The following FRS2 variants were observed in gnomAD, a reference collection of about 807,000 sequenced individuals.
FRS2 encodes the protein FGFR signalling adaptor.
A neutral mutation model predicts 43.9 loss-of-function variants in FRS2; 8 were observed. The ratio of observed to expected loss-of-function variants is 0.18; its 90% CI spans 0.11 to 0.33. The LOEUF (loss-of-function observed/expected upper bound fraction) is 0.33, where lower values mean the gene tolerates loss of function less well. Among genes scored for constraint, FRS2 ranks in the 10% least tolerant of loss-of-function variants. FRS2 has a pLI of 1.00. For synonymous variants in FRS2, 219 were observed against 220.3 expected, an observed-to-expected ratio of 0.99 and a Z score of 0.05; for missense variants, 534 against 627.6, an observed-to-expected ratio of 0.85 and a Z score of 1.59.
At chr12:69,561,269 C>G (rs1407119347) in intron 3 of FRS2, among the ~76,000 whole-genome samples, 1 of 152,172 alleles carries the variant, frequency 6.6e-6, no homozygotes, top group Admixed American at 6.5e-5. Flanking sequence ...AAGCCAACAC[C>G]TGGCATGCTG....
At chr12:69,513,898 T>G (rs1217137910) in intron 1 of FRS2, among the ~76,000 whole-genome samples, 1 of 152,136 alleles carries the variant, frequency 6.6e-6, no homozygotes, top group Non-Finnish European at 1.5e-5. Flanking sequence ...TCCTTTGAAA[T>G]AAATCTAAAT....
At chr12:69,550,682 A>G (rs1878798069) in intron 3 of FRS2, among the ~76,000 whole-genome samples, 1 of 152,222 alleles carries the variant, frequency 6.6e-6, no homozygotes, top group South Asian at 2.1e-4. Flanking sequence ...ATTGTATGCC[A>G]TTTGTCAATT....
chr12:69,540,335 CA>C (rs372869960), intron 3 of FRS2, among the ~76,000 whole-genome samples: 37 of 142,668 alleles, frequency 2.6e-4, no homozygotes, highest in Admixed American at 2.8e-4. Context: ...CTTGTAGTGC[CA>C]AAAAAAAAAA....
intron 3 of FRS2, among the ~76,000 whole-genome samples, chr12:69,542,942 A>C (rs1856922480): frequency 6.6e-6 from 1 of 152,228 alleles, no homozygotes. Flanking sequence ...ACTCTTAGGC[A>C]GTTAACTTAC....
chr12:69,566,152 C>T (rs1028279909), intron 4 of FRS2, among the ~76,000 whole-genome samples: 1 of 152,012 alleles, frequency 6.6e-6, no homozygotes, highest in Non-Finnish European at 1.5e-5. Flanking sequence ...TTATGTGGCT[C>T]ATGACTGTAT....
intron 3 of FRS2, among the ~76,000 whole-genome samples, chr12:69,548,270 G>A (rs1878590668): frequency 6.6e-6 from 1 of 152,174 alleles, no homozygotes; most frequent in Non-Finnish European, 1.5e-5. Flanking sequence ...ATAAAGAAAT[G>A]TTGGTAACTT....
At position 69,574,266 on chromosome 12, in the gene FRS2, G is replaced by A. The variant is rs773898560; in HGVS notation, c.838G>A (p.Gly280Arg). 3 of 1,614,190 alleles carry A rather than the reference G, an allele frequency of 1.9e-6. No individual in the cohort carries two copies. In the South Asian group the frequency reaches 3.3e-5, roughly 18 times the overall value. The change falls in exon 9 of 9, where the codon GGA becomes AGA. Residue 280 changes from glycine to arginine, a missense_variant. This residue lies in a region of FRS2 where 446 missense variants were observed against 494.2 expected (regional missense o/e 0.90). Coordinates refer to ENST00000549921, the MANE Select transcript of FRS2 (RefSeq NM_001278356.2). ...TGGAAGAGATCAAGTTAGTGGAAGT[G>A]GAGCAAATAACACAGAATGGGACAC... ...QLGRDQVSGS[G>R]ANNTEWDTGY... is the part of the protein sequence containing the mutation.
At chr12:69,502,200 A>T (rs886424796) in intron 1 of FRS2, among the ~76,000 whole-genome samples, 8 of 152,082 alleles carry the variant, frequency 5.3e-5, no homozygotes, top group Non-Finnish European at 2.9e-5. Flanking sequence ...TCCTGAACTC[A>T]AGTGATCTGC....
At chr12:69,502,963 T>C (rs1873593644) in intron 1 of FRS2, among the ~76,000 whole-genome samples, 1 of 152,200 alleles carries the variant, frequency 6.6e-6, no homozygotes, top group Non-Finnish European at 1.5e-5. Flanking sequence ...CAAATTACCA[T>C]AAATTCAGTG....
In FRS2 at chr12:69,560,293, GT is replaced by G. The variant is rs199844580; in HGVS notation, c.-121-1879del. ...TTTTCGAAATATCTTTATATCCAGAGTTTTTTTTGGTTTTCATAGTAGCTCT... is the reference window on the plus strand; with the variant it reads ...TTTTCGAAATATCTTTATATCCAGAGTTTTTTTGGTTTTCATAGTAGCTCT... On this transcript the variant is annotated intron_variant, in intron 3 of 8. Transcript: ENST00000549921. Among the ~76,000 whole-genome samples the G allele has an allele frequency of 3.3e-5, 5 of 151,856 alleles. No individual in the cohort carries two copies. In the East Asian group the frequency reaches 7.7e-4, roughly 23 times the overall value.
At chr12:69,490,361 G>A (rs903397797) in intron 1 of FRS2, among the ~76,000 whole-genome samples, 2 of 150,730 alleles carry the variant, frequency 1.3e-5, no homozygotes, top group East Asian at 3.9e-4. Flanking sequence ...GGATTATAGT[G>A]TTCAGCTTAT....
chr12:69,540,387 A>G (rs540098729), intron 3 of FRS2, among the ~76,000 whole-genome samples: 60 of 152,186 alleles, frequency 3.9e-4, no homozygotes, highest in African/African-American at 1.4e-3. Flanking sequence ...AAATGGGACT[A>G]TGTCAAAGGG....
In FRS2 at chr12:69,531,481, A is replaced by T. The variant is rs556651845; in HGVS notation, c.-165+521A>T. Among the ~76,000 whole-genome samples, 35 of 152,302 alleles carry T rather than the reference A, an allele frequency of 2.3e-4. 1 individual carries two copies. In the South Asian group the frequency reaches 6.6e-3, roughly 29 times the overall value. On this transcript the variant is annotated intron_variant, in intron 2 of 8. Coordinates refer to ENST00000549921, the MANE Select transcript of FRS2 (RefSeq NM_001278356.2). ...GTCATTATGCTACTTGCATATTTTT[A>T]AAAATTAAATTTGTTTCGTATGTTT...
intron 1 of FRS2, among the ~76,000 whole-genome samples, chr12:69,477,638 C>T (rs548143563): frequency 5.3e-5 from 8 of 151,436 alleles, no homozygotes; most frequent in Admixed American, 1.3e-4. Flanking sequence ...GTTCATCCTG[C>T]GGCTTTTTAT....
In FRS2 at chr12:69,578,426, G is replaced by C. The variant is rs1027149122; in HGVS notation, c.*3471G>C. Reference sequence around the variant, plus strand: ...TTGAAAAATTAACATATTTTATGACGTACCACAGTATACTCTGCCCAAACC... The same window carrying C: ...TTGAAAAATTAACATATTTTATGACCTACCACAGTATACTCTGCCCAAACC... On this transcript the variant is annotated 3_prime_UTR_variant, in exon 9 of 9. Transcript: ENST00000549921. 6.6e-6 allele frequency: 1 copy of C among 152,478 alleles called. No individual in the cohort carries two copies. The highest frequency in any genetic ancestry group is 1.5e-5 in the Non-Finnish European group (1 of 68,006). The allele number at this position is 152,478 out of a possible 1,614,324, so 9.4% of individuals were successfully genotyped here.
intron 7 of FRS2, 100 bp from the exon 8 acceptor site, chr12:69,572,018 G>A (rs1475393160): frequency 1.3e-6 from 1 of 790,176 alleles, no homozygotes; most frequent in Non-Finnish European, 2.0e-6. Context: ...TGTCTTGGCA[G>A]AAAGACCTCC....
intron 1 of FRS2, among the ~76,000 whole-genome samples, chr12:69,478,724 ATGTG>A (rs59945124): frequency 0.29 from 42,631 of 146,000 alleles, 6,347 homozygotes; most frequent in South Asian, 0.47. Context: ...ATACATCATT[ATGTG>A]TGTGTGTGTG....
chr12:69,514,542 C>T (rs1421894746), intron 1 of FRS2, among the ~76,000 whole-genome samples: 7 of 152,198 alleles, frequency 4.6e-5, no homozygotes, highest in Admixed American at 2.0e-4. Flanking sequence ...AATTATAAGA[C>T]GGGAGGATGG....
intron 1 of FRS2, among the ~76,000 whole-genome samples, chr12:69,524,131 C>G (rs150724844): frequency 3.0e-4 from 46 of 152,230 alleles, no homozygotes; most frequent in African/African-American, 1.1e-3. Flanking sequence ...GGGCAGTCTG[C>G]TGTTCTCCAT....
Sources: gnomAD v4.1 joint callset for allele counts (sites outside exome capture counted in the v4.1 genomes callset) on GRCh38, gnomAD v4.1.1 for gene constraint, gnomAD v4.1.1 regional missense constraint, MANE v1.5 for transcripts, NCBI Gene and HGNC (gene_info 2026-07-23, HGNC 2026-07-21) for gene names.